The following MAGI2 variants were observed in gnomAD, a reference collection of about 807,000 sequenced individuals.
The protein encoded by MAGI2 is membrane-associated guanylate kinase, WW and PDZ domain-containing protein 2.
Under a neutral mutation model 133.3 loss-of-function variants are expected in MAGI2, and 35 were observed. The ratio of observed to expected loss-of-function variants is 0.26; its 90% CI spans 0.20 to 0.35. The LOEUF is 0.35. MAGI2 is among the 10% of genes least tolerant of loss of function. The pLI is 1.00. For missense variants in MAGI2, 1,636 were observed against 1,863.4 expected (o/e 0.88, Z 2.25); for synonymous variants, 729 against 710.6 (o/e 1.03, Z -0.41).
At chr7:79,077,281 G>C (rs1208470925) in intron 1 of MAGI2, among the ~76,000 whole-genome samples, 1 of 151,838 alleles carries the variant, frequency 6.6e-6, no homozygotes, top group Non-Finnish European at 1.5e-5. Context: ...TTTTTGGGCC[G>C]GCGCGGTGGC....
At chr7:79,226,263 T>C (rs1394653382) in intron 1 of MAGI2, among the ~76,000 whole-genome samples, 4 of 152,160 alleles carry the variant, frequency 2.6e-5, no homozygotes, top group African/African-American at 9.6e-5. Context: ...GATTATTCCA[T>C]CAAGATAGTT....
chr7:79,451,164 G>A (rs1179602837), intron 1 of MAGI2, among the ~76,000 whole-genome samples: 1 of 152,180 alleles, frequency 6.6e-6, no homozygotes, highest in African/African-American at 2.4e-5. Context: ...GGAGTGCTCA[G>A]AATTGAACAC....
At chr7:78,860,510 C>A (rs1794067855) in intron 2 of MAGI2, among the ~76,000 whole-genome samples, 1 of 152,204 alleles carries the variant, frequency 6.6e-6, no homozygotes. Flanking sequence ...TGGAGGTTCA[C>A]TCCAGACCCT....
chr7:78,343,617 T>C (rs1790612653), intron 9 of MAGI2, among the ~76,000 whole-genome samples, 161 bp downstream of exon 9: 1 of 152,140 alleles, frequency 6.6e-6, no homozygotes, highest in African/African-American at 2.4e-5. Flanking sequence ...TAATTCAACT[T>C]GATATTTTTA....
At chr7:78,495,185 C>T (rs141178471) in intron 5 of MAGI2, among the ~76,000 whole-genome samples, 183 of 152,236 alleles carry the variant, frequency 1.2e-3, no homozygotes, top group Non-Finnish European at 2.4e-3. Flanking sequence ...CATAGGTATA[C>T]ACATGCCATG....
chr7:79,080,736 T>G (rs1381858377), intron 1 of MAGI2, among the ~76,000 whole-genome samples: 1 of 152,110 alleles, frequency 6.6e-6, no homozygotes, highest in Non-Finnish European at 1.5e-5. Flanking sequence ...GTCATTTCTT[T>G]CACTCTTAAT....
At chr7:78,702,692 T>C (rs1818201165) in intron 2 of MAGI2, among the ~76,000 whole-genome samples, 1 of 152,094 alleles carries the variant, frequency 6.6e-6, no homozygotes, top group South Asian at 2.1e-4. Flanking sequence ...ACCCCTTTCA[T>C]GTGGGGTGAT....
chr7:78,716,494 T>C (rs1403835070), intron 2 of MAGI2, among the ~76,000 whole-genome samples: 2 of 151,952 alleles, frequency 1.3e-5, no homozygotes, highest in East Asian at 3.9e-4. Context: ...TGGTGGGGAA[T>C]ACAAAAAAGA....
At chr7:78,632,122 C>T (rs1024697205) in intron 2 of MAGI2, among the ~76,000 whole-genome samples, 1 of 152,152 alleles carries the variant, frequency 6.6e-6, no homozygotes, top group Non-Finnish European at 1.5e-5. Context: ...ATTAACTGAG[C>T]ACTTACTATG....
At chr7:79,036,087 AC>A (rs1811101322) in intron 1 of MAGI2, among the ~76,000 whole-genome samples, 1 of 152,210 alleles carries the variant, frequency 6.6e-6, no homozygotes, top group African/African-American at 2.4e-5. Context: ...GGATTTCTTC[AC>A]CATCAAATGC....
At position 79,453,401 on chromosome 7, in the gene MAGI2, A is replaced by G; in HGVS notation, c.-81T>C. 7.3e-6 allele frequency: 11 copies of G among 1,516,180 alleles called. No homozygotes were observed. Among genetic ancestry groups the G allele is most frequent in the Non-Finnish European group, 9.7e-6 (11 of 1,137,254 alleles). 93.9% of individuals were successfully genotyped at this position (1,516,180 alleles called of 1,614,324 possible). A position where few individuals can be genotyped will look rare whatever the true frequency, so the allele number is the denominator to read the frequency against. On this transcript the variant is annotated 5_prime_UTR_variant, in exon 1 of 22. Coordinates refer to ENST00000354212, the MANE Select transcript of MAGI2 (RefSeq NM_012301.4). Reference sequence around the variant, plus strand: ...GGTGAGAGAATGAGGATGGAGGAGCAAGGGGGCCCAGGGGGAAGAACAGCA... The same window carrying G: ...GGTGAGAGAATGAGGATGGAGGAGCGAGGGGGCCCAGGGGGAAGAACAGCA...
At chr7:78,192,842 T>C (rs1256816528) in intron 12 of MAGI2, among the ~76,000 whole-genome samples, 1 of 151,962 alleles carries the variant, frequency 6.6e-6, no homozygotes, top group African/African-American at 2.4e-5. Flanking sequence ...GGGGTTGTGA[T>C]GAGGCAGCAG....
intron 2 of MAGI2, among the ~76,000 whole-genome samples, chr7:78,889,973 T>C (rs1796604404): frequency 6.6e-6 from 1 of 152,156 alleles, no homozygotes; most frequent in African/African-American, 2.4e-5. Context: ...TGTGCTGTAT[T>C]CAGGAGACCC....
At position 78,973,365 on chromosome 7, in the gene MAGI2, T is replaced by G. The variant is rs184249541; in HGVS notation, c.418+33725A>C. Among the ~76,000 whole-genome samples the G allele has an allele frequency of 1.1e-3, 173 of 151,928 alleles. 3 individuals carry two copies. Among genetic ancestry groups the G allele is most frequent in the Admixed American group, 9.9e-3 (150 of 15,194 alleles). ...TATATCTTGTATGTCTATTTTTGCT[T>G]AAACCAAATGACAAATATCACAGAG... On this transcript the variant is annotated intron_variant, in intron 2 of 21. Transcript: ENST00000354212.
intron 2 of MAGI2, among the ~76,000 whole-genome samples, chr7:78,937,737 T>C (rs1800627413): frequency 1.3e-5 from 2 of 152,130 alleles, no homozygotes. Flanking sequence ...CGAAACTACC[T>C]GGGAATTAGT....
rs1311451527 is a variant in MAGI2, at chr7:78,223,831, A to G, written c.2048-22638T>C. On this transcript the variant is annotated intron_variant, in intron 10 of 21. Coordinates refer to ENST00000354212, the MANE Select transcript of MAGI2 (RefSeq NM_012301.4). Reference sequence around the variant, plus strand: ...TTGAATCCAAAACTAAAAAGGGAACAGATGAGTATAAAATATCACTATTAT... The same window carrying G: ...TTGAATCCAAAACTAAAAAGGGAACGGATGAGTATAAAATATCACTATTAT... Among the ~76,000 whole-genome samples the G allele has an allele frequency of 3.3e-5, 5 of 152,354 alleles. No homozygotes were observed. The East Asian group carries it at 7.7e-4, about 24-fold the overall frequency.
intron 1 of MAGI2, among the ~76,000 whole-genome samples, chr7:79,396,419 A>G (rs571155700): frequency 2.6e-5 from 4 of 152,276 alleles, no homozygotes; most frequent in African/African-American, 9.6e-5. Context: ...GGGAGAGCCA[A>G]GAGATGCACT....
Position 78,138,625 on chromosome 7 carries a change from TCACACACACACA to T in MAGI2, c.2846-3431_2846-3420del, listed in dbSNP as rs202115434. ...ATCCCAAATGTTTCAAAACATAGAT[TCACACACACACA>T]CACACACACACACACACACACACAC... is the stretch of plus-strand genomic sequence containing the variant. On this transcript the variant is annotated intron_variant, in intron 16 of 21. Transcript: ENST00000354212. Among the ~76,000 whole-genome samples the T allele has an allele frequency of 8.6e-3, 1,109 of 129,498 alleles. 17 individuals carry two copies. Among genetic ancestry groups the T allele is most frequent in the Non-Finnish European group, 0.01 (640 of 61,026 alleles). 85.0% of individuals were successfully genotyped at this position (129,498 alleles called of 152,430 possible). A position where few individuals can be genotyped will look rare whatever the true frequency, so the allele number is the denominator to read the frequency against.
intron 10 of MAGI2, among the ~76,000 whole-genome samples, chr7:78,216,490 C>A (rs1453677674): frequency 5.9e-5 from 9 of 152,192 alleles, no homozygotes; most frequent in Non-Finnish European, 1.3e-4. Context: ...AGTCTGTTCC[C>A]CATCCGTTTT....
Sources: gnomAD v4.1 joint callset for allele counts (sites outside exome capture counted in the v4.1 genomes callset) on GRCh38, gnomAD v4.1.1 for gene constraint, MANE v1.5 for transcripts, NCBI Gene and HGNC (gene_info 2026-07-23, HGNC 2026-07-21) for gene names.